The following TRIM35 variants were observed in gnomAD, a reference collection of about 807,000 sequenced individuals.
TRIM35 encodes E3 ubiquitin-protein ligase TRIM35.
Under a neutral mutation model 49.1 loss-of-function variants are expected in TRIM35, and 37 were observed. The ratio of observed to expected loss-of-function variants is 0.75; its 90% CI spans 0.58 to 0.99. The LOEUF is 0.99. TRIM35 is among the 50% of genes least tolerant of loss of function. The probability of loss-of-function intolerance (pLI) is 0.00; values close to 1 mark genes in which losing one functional copy is unlikely to be tolerated. For missense variants in TRIM35, 648 were observed against 702.7 expected (o/e 0.92, Z 0.88); for synonymous variants, 302 against 289.3 (o/e 1.04, Z -0.45).
intron 3 of TRIM35, among the ~76,000 whole-genome samples, chr8:27,292,599 C>T (rs1802477346): frequency 6.6e-6 from 1 of 152,160 alleles, no homozygotes; most frequent in African/African-American, 2.4e-5. Flanking sequence ...CAGGTAAATC[C>T]ATATAGATAG....
Position 27,311,083 on chromosome 8 carries a change from C to T in TRIM35, c.153G>A (p.Val51=). The T allele has an allele frequency of 6.3e-7, 1 of 1,596,406 alleles. No homozygotes were observed. The highest frequency in any genetic ancestry group is 8.5e-7 in the Non-Finnish European group (1 of 1,172,444). The change falls in exon 1 of 6, where the codon GTG becomes GTA. Residue 51 remains valine (V), a synonymous_variant. Coordinates refer to ENST00000305364, the MANE Select transcript of TRIM35 (RefSeq NM_171982.5). ...ACACTGGGCAGGTGGGCGACACCTG[C>T]ACCTCCCAGCAGCGGCTCACGCACC... ...CRGCVSRCWE[V]QVSPTCPVCK... is the part of the protein sequence containing the mutation.
chr8:27,289,156 G>A lies in TRIM35; in HGVS notation c.904+6C>T, dbSNP rs919611823. 8.1e-6 allele frequency: 13 copies of A among 1,611,730 alleles called. No individual in the cohort carries two copies. The highest frequency in any genetic ancestry group is 1.3e-5 in the African/African-American group (1 of 74,880). On this transcript the variant is annotated splice_donor_region_variant and intron_variant, in intron 5 of 5. Transcript: ENST00000305364. ...GCTTGGGACACCTGCCGGCACCCCC[G>A]CTCACCAGATTCCACAGATGCAAGC...
At chr8:27,308,327 A>T (rs148872273) in intron 1 of TRIM35, among the ~76,000 whole-genome samples, 45 of 152,374 alleles carry the variant, frequency 3.0e-4, no homozygotes, top group African/African-American at 1.0e-3. Flanking sequence ...GCACACAGTG[A>T]GCACTGAAAT....
Position 27,286,220 on chromosome 8 carries a change from C to T in TRIM35, c.*1330G>A, listed in dbSNP as rs76599809. On this transcript the variant is annotated 3_prime_UTR_variant, in exon 6 of 6. Transcript: ENST00000305364. ...AGATTAAAAACTCTTCAGAGATGTG[C>T]GAGAAAAAACAAGCCCAGGGAAAAG... is the stretch of plus-strand genomic sequence containing the variant. The T allele has an allele frequency of 1.1e-3, 495 of 450,610 alleles. 7 individuals are homozygous for T. The East Asian group carries it at 0.031, about 28-fold the overall frequency. The allele number at this position is 450,610 out of a possible 1,614,324, so 27.9% of individuals were successfully genotyped here. A position where few individuals can be genotyped will look rare whatever the true frequency, so the allele number is the denominator to read the frequency against.
chr8:27,289,460 G>A (rs961670468), intron 4 of TRIM35, among the ~76,000 whole-genome samples, 180 bp from the exon 5 acceptor site: 2 of 152,242 alleles, frequency 1.3e-5, no homozygotes, highest in African/African-American at 4.8e-5. Flanking sequence ...GGCCAACAGG[G>A]CTGCCATCTC....
In TRIM35 at chr8:27,294,247, T is replaced by C. The variant is rs1482792264; in HGVS notation, c.595A>G (p.Arg199Gly). The change falls in exon 3 of 6, where the codon AGA becomes GGA. Residue 199 changes from arginine to glycine, a missense_variant. Coordinates refer to ENST00000305364, the MANE Select transcript of TRIM35 (RefSeq NM_171982.5). ...TCCAGAATGGCCTGCTCCTCCACTC[T>C]CAAGAACTCGCGAAGCTTATCAAAC... Reference protein sequence around the residue: ...QEFDKLREFLRVEEQAILDAM... With the variant: ...QEFDKLREFLGVEEQAILDAM... 6.2e-7 allele frequency: 1 copy of C among 1,614,038 alleles called. No individual in the cohort carries two copies. Among genetic ancestry groups the C allele is most frequent in the Non-Finnish European group, 8.5e-7 (1 of 1,180,048 alleles).
Position 27,294,076 on chromosome 8 carries a change from T to C in TRIM35, c.762+4A>G. ...TCACTGAATCCAGACGCTGAGCTCCTTACCATGAGAAAAGAAACGTCGTCC... is the reference window on the plus strand; with the variant it reads ...TCACTGAATCCAGACGCTGAGCTCCCTACCATGAGAAAAGAAACGTCGTCC... On this transcript the variant is annotated splice_donor_region_variant and intron_variant, in intron 3 of 5. Coordinates refer to ENST00000305364, the MANE Select transcript of TRIM35 (RefSeq NM_171982.5). 6.2e-7 allele frequency: 1 copy of C among 1,613,766 alleles called. No homozygotes were observed. Among genetic ancestry groups the C allele is most frequent in the Non-Finnish European group, 8.5e-7 (1 of 1,179,890 alleles).
At chr8:27,299,650 G>A (rs1802643581) in intron 1 of TRIM35, among the ~76,000 whole-genome samples, 1 of 152,192 alleles carries the variant, frequency 6.6e-6, no homozygotes, top group African/African-American at 2.4e-5. Context: ...GTTTTAAGCT[G>A]CTAAATGTCG....
intron 1 of TRIM35, among the ~76,000 whole-genome samples, chr8:27,304,423 C>G (rs553095303): frequency 6.6e-6 from 1 of 152,328 alleles, no homozygotes; most frequent in South Asian, 2.1e-4. Flanking sequence ...ACCTTGAAAA[C>G]TCGGCTCTAG....
In TRIM35 at chr8:27,286,221, G is replaced by A. The variant is rs2130246159; in HGVS notation, c.*1329C>T. 2 of 451,386 alleles carry A rather than the reference G, an allele frequency of 4.4e-6. No homozygotes were observed. The highest frequency in any genetic ancestry group is 1.6e-5 in the South Asian group (1 of 63,556). The allele number at this position is 451,386 out of a possible 1,614,324, so 28.0% of individuals were successfully genotyped here. On this transcript the variant is annotated 3_prime_UTR_variant, in exon 6 of 6. Transcript: ENST00000305364. ...GATTAAAAACTCTTCAGAGATGTGCGAGAAAAAACAAGCCCAGGGAAAAGT... is the reference window on the plus strand; with the variant it reads ...GATTAAAAACTCTTCAGAGATGTGCAAGAAAAAACAAGCCCAGGGAAAAGT...
intron 1 of TRIM35, among the ~76,000 whole-genome samples, chr8:27,299,034 T>C (rs1802631233): frequency 6.6e-6 from 1 of 152,142 alleles, no homozygotes; most frequent in Admixed American, 6.5e-5. Context: ...GCCAGTCATT[T>C]CCCACGGGGT....
At position 27,298,572 on chromosome 8, in the gene TRIM35, TGAGA is replaced by T. The variant is rs1374320954; in HGVS notation, c.436-17_436-14del. ...TCCTGCACTTGGCCTGACATGGGAA[TGAGA>T]GAGAGGGAGGAAGACAGGTTAGGGC... is the stretch of plus-strand genomic sequence containing the variant. On this transcript the variant is annotated splice_polypyrimidine_tract_variant and intron_variant, in intron 1 of 5. Coordinates refer to ENST00000305364, the MANE Select transcript of TRIM35 (RefSeq NM_171982.5). 6.2e-7 allele frequency: 1 copy of T among 1,612,110 alleles called. No homozygotes were observed. Among genetic ancestry groups the T allele is most frequent in the Non-Finnish European group, 8.5e-7 (1 of 1,178,210 alleles).
At position 27,288,052 on chromosome 8, in the gene TRIM35, T is replaced by C. The variant is rs756302157; in HGVS notation, c.980A>G (p.His327Arg). The change falls in exon 6 of 6, where the codon CAT becomes CGT. Residue 327 changes from histidine (H) to arginine (R), a missense_variant. By Grantham distance (29) the His-to-Arg change is conservative. Coordinates refer to ENST00000305364, the MANE Select transcript of TRIM35 (RefSeq NM_171982.5). ...VSDDLTSVTN[H>R]GYRVQVENPE... Reference sequence around the variant, plus strand: ...GTTCTCCACCTGCACGCGGTAGCCATGGTTGGTGACGCTGGTGAGGTCGTC... The same window carrying C: ...GTTCTCCACCTGCACGCGGTAGCCACGGTTGGTGACGCTGGTGAGGTCGTC... The C allele has an allele frequency of 5.0e-6, 8 of 1,613,322 alleles. No individual in the cohort carries two copies. The highest frequency in any genetic ancestry group is 2.2e-5 in the South Asian group (2 of 91,076).
intron 1 of TRIM35, 45 bp downstream of exon 1, chr8:27,310,756 G>C: frequency 6.5e-7 from 1 of 1,531,780 alleles, no homozygotes; most frequent in Non-Finnish European, 8.8e-7. Context: ...GGGATTCCGG[G>C]TTCCAGACCC....
chr8:27,310,843 C>A lies in TRIM35; in HGVS notation c.393G>T (p.Gly131=), dbSNP rs1802922577. Residue 131 remains glycine (G), a synonymous_variant, in exon 1 of 6, where the codon GGG becomes GGT. Transcript: ENST00000305364. ...TGTCCTTCACCGGCTGCACGCGGTG[C>A]CCCTGGTGTCGGGGGTCGGCCTGGC... is the stretch of plus-strand genomic sequence containing the variant. ...CSCQADPRHQ[G]HRVQPVKDTA... is the part of the protein sequence containing the mutation. 6.2e-7 allele frequency: 1 copy of A among 1,608,546 alleles called. No individual in the cohort carries two copies. The highest frequency in any genetic ancestry group is 8.5e-7 in the Non-Finnish European group (1 of 1,176,470).
In TRIM35 at chr8:27,288,057, G is replaced by A; in HGVS notation, c.975C>T (p.Thr325=). ...LSVSDDLTSV[T]NHGYRVQVEN... ...CCACCTGCACGCGGTAGCCATGGTT[G>A]GTGACGCTGGTGAGGTCGTCAGACA... The change falls in exon 6 of 6, where the codon ACC becomes ACT. Residue 325 remains threonine (T), a synonymous_variant. Coordinates refer to ENST00000305364, the MANE Select transcript of TRIM35 (RefSeq NM_171982.5). 2 of 1,613,098 alleles carry A rather than the reference G, an allele frequency of 1.2e-6. No individual in the cohort carries two copies. Among genetic ancestry groups the A allele is most frequent in the South Asian group, 2.2e-5 (2 of 91,080 alleles).
chr8:27,294,033 C>T, intron 3 of TRIM35, 47 bp downstream of exon 3: 1 of 1,587,530 alleles, frequency 6.3e-7, no homozygotes, highest in Non-Finnish European at 8.6e-7. Context: ...CCAGCTGGTC[C>T]TGGAACATGT....
intron 2 of TRIM35, among the ~76,000 whole-genome samples, chr8:27,297,361 C>T (rs1802590640): frequency 6.6e-6 from 1 of 152,194 alleles, no homozygotes; most frequent in Admixed American, 6.5e-5. Context: ...CCAAGATCAA[C>T]AGTCAGAAAC....
chr8:27,286,315 A>C lies in TRIM35; in HGVS notation c.*1235T>G, dbSNP rs1802317968. ...TGGCAGAGCAAGCATGACCAGGCTGAAGTCAGCAGAGACAAGAGGGCAGCG... is the reference window on the plus strand; with the variant it reads ...TGGCAGAGCAAGCATGACCAGGCTGCAGTCAGCAGAGACAAGAGGGCAGCG... On this transcript the variant is annotated 3_prime_UTR_variant, in exon 6 of 6. Coordinates refer to ENST00000305364, the MANE Select transcript of TRIM35 (RefSeq NM_171982.5). 1 of 389,498 alleles carries C rather than the reference A, an allele frequency of 2.6e-6. No homozygotes were observed. The highest frequency in any genetic ancestry group is 5.1e-6 in the Non-Finnish European group (1 of 194,994). 24.1% of individuals were successfully genotyped at this position (389,498 alleles called of 1,614,324 possible). A position where few individuals can be genotyped will look rare whatever the true frequency, so the allele number is the denominator to read the frequency against.
Sources: gnomAD v4.1 joint callset for allele counts (sites outside exome capture counted in the v4.1 genomes callset) on GRCh38, gnomAD v4.1.1 for gene constraint, MANE v1.5 for transcripts, NCBI Gene and HGNC (gene_info 2026-07-23, HGNC 2026-07-21) for gene names.